The following KCNIP1 variants were observed in gnomAD, a reference collection of about 807,000 sequenced individuals.
KCNIP1 encodes A-type potassium channel modulatory protein KCNIP1.
A neutral mutation model predicts 33.0 loss-of-function variants in KCNIP1; 18 were observed. The ratio of observed to expected loss-of-function variants is 0.55; its 90% CI spans 0.38 to 0.81. The LOEUF is 0.81. KCNIP1 is among the 30% of genes least tolerant of loss of function. KCNIP1 has a pLI of 0.00. For synonymous variants in KCNIP1, 93 were observed against 98.3 expected (o/e 0.95, Z 0.32); for missense variants, 238 against 271.6 (o/e 0.88, Z 0.87).
chr5:170,719,210 T>A (rs1763736574), intron 2 of KCNIP1, among the ~76,000 whole-genome samples: 1 of 152,020 alleles, frequency 6.6e-6, no homozygotes, highest in Non-Finnish European at 1.5e-5. Context: ...CCCACAATAA[T>A]GGGATTTGGC....
intron 1 of KCNIP1, among the ~76,000 whole-genome samples, chr5:170,534,604 A>G (rs115625473): frequency 7.9e-4 from 120 of 152,172 alleles, no homozygotes; most frequent in African/African-American, 2.8e-3. Flanking sequence ...TGCAACCTTG[A>G]TTTCCTGGGC....
At chr5:170,602,480 G>A (rs918991044) in intron 1 of KCNIP1, among the ~76,000 whole-genome samples, 4 of 152,230 alleles carry the variant, frequency 2.6e-5, no homozygotes, top group African/African-American at 9.6e-5. Context: ...CTCAGTGTTG[G>A]AAGGAAATTT....
intron 1 of KCNIP1, among the ~76,000 whole-genome samples, chr5:170,671,399 A>G (rs35066465): frequency 0.077 from 11,755 of 152,168 alleles, 539 homozygotes; most frequent in Middle Eastern, 0.14. Flanking sequence ...TTTGCTTTAA[A>G]TGTTCTTGCC....
At chr5:170,565,581 T>C (rs1019420325) in intron 1 of KCNIP1, among the ~76,000 whole-genome samples, 1 of 152,232 alleles carries the variant, frequency 6.6e-6, no homozygotes, top group African/African-American at 2.4e-5. Context: ...ATTTGTTAAG[T>C]ACCTACTATG....
chr5:170,584,480 T>C (rs566024013), intron 1 of KCNIP1, among the ~76,000 whole-genome samples: 1 of 152,180 alleles, frequency 6.6e-6, no homozygotes, highest in East Asian at 1.9e-4. Flanking sequence ...CTAGGAAGCC[T>C]GAGGGTCGTG....
chr5:170,575,472 G>T (rs1353380321), intron 1 of KCNIP1, among the ~76,000 whole-genome samples: 1 of 152,220 alleles, frequency 6.6e-6, no homozygotes, highest in African/African-American at 2.4e-5. Context: ...ACATAGGGAA[G>T]TTCCTACCCC....
intron 1 of KCNIP1, among the ~76,000 whole-genome samples, chr5:170,629,287 C>T (rs904271356): frequency 9.2e-5 from 14 of 152,166 alleles, no homozygotes; most frequent in Admixed American, 7.2e-4. Flanking sequence ...GGGCATTGTT[C>T]ATGCAGGGAC....
At chr5:170,365,030 C>T (rs963187336) in intron 1 of KCNIP1, among the ~76,000 whole-genome samples, 6 of 152,264 alleles carry the variant, frequency 3.9e-5, no homozygotes, top group South Asian at 2.1e-4. Flanking sequence ...TGGCCAACAT[C>T]TCCGTTATTC....
chr5:170,449,016 T>C (rs1756184549), intron 1 of KCNIP1, among the ~76,000 whole-genome samples: 1 of 152,172 alleles, frequency 6.6e-6, no homozygotes, highest in African/African-American at 2.4e-5. Context: ...CGAATTCTCC[T>C]TGTGGGTTAA....
intron 1 of KCNIP1, among the ~76,000 whole-genome samples, chr5:170,357,221 C>T (rs962630914): frequency 3.3e-5 from 5 of 152,174 alleles, no homozygotes; most frequent in African/African-American, 9.7e-5. Flanking sequence ...CACTGTGGCT[C>T]GGAAGCCTCG....
intron 1 of KCNIP1, among the ~76,000 whole-genome samples, chr5:170,384,679 A>G (rs1764392763): frequency 6.6e-6 from 1 of 152,210 alleles, no homozygotes; most frequent in South Asian, 2.1e-4. Context: ...GGCTGGGGGA[A>G]CTGAGTGTCT....
chr5:170,421,065 G>C (rs1755476133), intron 1 of KCNIP1, among the ~76,000 whole-genome samples: 1 of 152,150 alleles, frequency 6.6e-6, no homozygotes, highest in Non-Finnish European at 1.5e-5. Flanking sequence ...ATCAGCATCA[G>C]GGACAATAGC....
intron 1 of KCNIP1, among the ~76,000 whole-genome samples, chr5:170,394,198 GC>G (rs951836849): frequency 6.6e-6 from 1 of 151,960 alleles, no homozygotes; most frequent in African/African-American, 2.4e-5. Context: ...GCCTTCCCTC[GC>G]CCCCAGCCCC....
chr5:170,667,421 G>A (rs1034649452), intron 1 of KCNIP1, among the ~76,000 whole-genome samples: 2 of 152,228 alleles, frequency 1.3e-5, no homozygotes, highest in Admixed American at 1.3e-4. Context: ...TGGCAGGCAG[G>A]CCCCTGGGAG....
chr5:170,375,148 A>C (rs1244416199), intron 1 of KCNIP1: 1 of 152,192 alleles, frequency 6.6e-6, no homozygotes, highest in Non-Finnish European at 1.5e-5. Flanking sequence ...GTAGATTCAC[A>C]TGAAGCTTTA....
In KCNIP1 at chr5:170,438,267, C is replaced by T. The variant is rs1351543964; in HGVS notation, c.88+84303C>T. Among the ~76,000 whole-genome samples the T allele has an allele frequency of 1.5e-4, 23 of 152,180 alleles. 1 individual carries two copies. The highest frequency in any genetic ancestry group is 1.5e-3 in the Admixed American group (23 of 15,282). On this transcript the variant is annotated intron_variant, in intron 1 of 7. Coordinates refer to the KCNIP1 transcript ENST00000377360. ...CCAGTACTGAGCTTTTCCTGTCAGC[C>T]CCTTGGGTCACTGCAGACAAGGCTC...
intron 1 of KCNIP1, among the ~76,000 whole-genome samples, chr5:170,484,720 C>T (rs913434461): frequency 6.6e-6 from 1 of 151,284 alleles, no homozygotes; most frequent in African/African-American, 2.4e-5. Context: ...CTCTTCCTTT[C>T]CCAAATCTCT....
At chr5:170,381,867 G>C (rs940412904) in intron 1 of KCNIP1, among the ~76,000 whole-genome samples, 1 of 152,226 alleles carries the variant, frequency 6.6e-6, no homozygotes, top group African/African-American at 2.4e-5. Flanking sequence ...CAGAGGCAGG[G>C]GTCATGGGTA....
intron 1 of KCNIP1, among the ~76,000 whole-genome samples, chr5:170,369,931 A>T (rs1008027628): frequency 6.6e-6 from 1 of 152,194 alleles, no homozygotes; most frequent in East Asian, 1.9e-4. Flanking sequence ...TCCTTCAACC[A>T]TTGGAATGGT....
Sources: gnomAD v4.1 joint callset for allele counts (sites outside exome capture counted in the v4.1 genomes callset) on GRCh38, gnomAD v4.1.1 for gene constraint, MANE v1.5 for transcripts, NCBI Gene and HGNC (gene_info 2026-07-23, HGNC 2026-07-21) for gene names.